LACRT: variants seen among roughly 807,000 people sequenced by gnomAD.
The protein encoded by LACRT is extracellular glycoprotein lacritin.
LACRT carries 14 observed loss-of-function variants against 14.5 expected under a neutral mutation model. The observed-to-expected ratio is 0.96, with a 90% CI of 0.64 to 1.51. LACRT has a LOEUF of 1.51. LACRT is among the 40% of genes most tolerant of loss of function. The probability of loss-of-function intolerance (pLI) is 0.00; values close to 1 mark genes in which losing one functional copy is unlikely to be tolerated. For synonymous variants in LACRT, 70 were observed against 63.5 expected, an observed-to-expected ratio of 1.10 and a Z score of -0.48; for missense variants, 156 against 161.8, an observed-to-expected ratio of 0.96 and a Z score of 0.19.
chr12:54,633,366 T>C (rs1284254672), intron 1 of LACRT, 133 bp from the exon 2 acceptor site: 6 of 769,194 alleles, frequency 7.8e-6, no homozygotes, highest in African/African-American at 1.7e-5. Context: ...TCCCTTTGGG[T>C]TGGACATGCC....
intron 2 of LACRT, 74 bp from the exon 3 acceptor site, chr12:54,632,455 C>G: frequency 6.4e-7 from 1 of 1,562,334 alleles, no homozygotes; most frequent in South Asian, 1.2e-5. Context: ...TGCAGGGCCC[C>G]AGGATACCTA....
chr12:54,634,104 A>G (rs962891864), intron 1 of LACRT, among the ~76,000 whole-genome samples: 76 of 152,030 alleles, frequency 5.0e-4, no homozygotes, highest in Non-Finnish European at 2.1e-4. Flanking sequence ...TGTAATTCCA[A>G]CACTTTGGGA....
At chr12:54,634,709 G>A (rs996134240) in intron 1 of LACRT, 75 bp downstream of exon 1, 11 of 1,305,842 alleles carry the variant, frequency 8.4e-6, no homozygotes, top group Non-Finnish European at 1.2e-5. Flanking sequence ...GAGGAGGAGA[G>A]GGGTGAAGGC....
At chr12:54,631,872 A>G (rs1376356668) in intron 3 of LACRT, 33 bp from the exon 4 acceptor site, 1 of 1,487,460 alleles carries the variant, frequency 6.7e-7, no homozygotes, top group South Asian at 1.1e-5. Context: ...ACATCAGCAG[A>G]AAAATCACCT....
At chr12:54,631,141 G>T (rs1242812406) in intron 4 of LACRT, among the ~76,000 whole-genome samples, 188 bp from the exon 5 acceptor site, 1 of 152,194 alleles carries the variant, frequency 6.6e-6, no homozygotes, top group Non-Finnish European at 1.5e-5. Flanking sequence ...CCCCACCTTG[G>T]CAGGGGCAGG....
chr12:54,632,502 C>T, intron 2 of LACRT, 121 bp from the exon 3 acceptor site: 4 of 1,137,658 alleles, frequency 3.5e-6, no homozygotes, highest in Non-Finnish European at 5.1e-6. Context: ...AGTGATATGG[C>T]TTAAACGCTG....
Position 54,632,314 on chromosome 12 carries a change from G to A in LACRT, c.180C>T (p.Ala60=), listed in dbSNP as rs768113969. Residue 60 remains alanine, a synonymous_variant, in exon 3 of 5, where the codon GCC becomes GCT. Transcript: ENST00000257867. ...PASPPETTTT[A]QETSAAAVQG... ...GAACTGCTGCCGCCGAAGTCTCCTG[G>A]GCTGTTGTGGTTGTCTCTGGGGGTG... The A allele has an allele frequency of 8.7e-6, 14 of 1,614,002 alleles. No homozygotes were observed. The African/African-American group carries it at 1.9e-4, about 22-fold the overall frequency.
At chr12:54,633,333 T>G in intron 1 of LACRT, 100 bp from the exon 2 acceptor site, 1 of 1,051,444 alleles carries the variant, frequency 9.5e-7, no homozygotes, top group Non-Finnish European at 1.4e-6. Flanking sequence ...CTGGGAATGC[T>G]CATGGATAGA....
Position 54,634,335 on chromosome 12 carries a change from G to A in LACRT, c.58+449C>T, listed in dbSNP as rs1958173689. 2.9e-5 allele frequency among the ~76,000 whole-genome samples: 4 copies of A among 138,048 alleles called. No homozygotes were observed. In the South Asian group the frequency reaches 9.3e-4, roughly 32 times the overall value. The allele number at this position is 138,048 out of a possible 152,430, so 90.6% of individuals were successfully genotyped here. On this transcript the variant is annotated intron_variant, in intron 1 of 4. Transcript: ENST00000257867. Reference sequence around the variant, plus strand: ...CCACTGCACTCCAGCCTGGGCAACAGAGGGAGACTCGGTCTCAAAAAAAAA... The same window carrying A: ...CCACTGCACTCCAGCCTGGGCAACAAAGGGAGACTCGGTCTCAAAAAAAAA...
chr12:54,632,467 T>A (rs1175427443), intron 2 of LACRT, 86 bp from the exon 3 acceptor site: 1 of 1,489,610 alleles, frequency 6.7e-7, no homozygotes, highest in Non-Finnish European at 9.2e-7. Context: ...GGATACCTAA[T>A]GTGTGCTGGG....
At chr12:54,634,478 G>A (rs1472051068) in intron 1 of LACRT, among the ~76,000 whole-genome samples, 1 of 152,150 alleles carries the variant, frequency 6.6e-6, no homozygotes, top group Non-Finnish European at 1.5e-5. Context: ...GGGCACCCTC[G>A]TGTAGGGGAC....
chr12:54,633,595 G>A (rs1360568881), intron 1 of LACRT, among the ~76,000 whole-genome samples: 2 of 152,088 alleles, frequency 1.3e-5, no homozygotes, highest in Non-Finnish European at 2.9e-5. Flanking sequence ...CAGTATGTGG[G>A]GGTTATGGGG....
At chr12:54,631,935 T>A in intron 3 of LACRT, 96 bp from the exon 4 acceptor site, 1 of 477,332 alleles carries the variant, frequency 2.1e-6, no homozygotes, top group Non-Finnish European at 3.6e-6. Context: ...CCACCCCCAC[T>A]CCACCCAGGA....
Position 54,630,833 on chromosome 12 carries a change from C to G in LACRT, c.*59G>C. On this transcript the variant is annotated 3_prime_UTR_variant, in exon 5 of 5. Coordinates refer to ENST00000257867, the MANE Select transcript of LACRT (RefSeq NM_033277.2). ...AAGTTGGATGCTTTCGTTTTAATAG[C>G]TCTGGGCTACAAGGGTATTTAAGGC... 3 of 1,303,480 alleles carry G rather than the reference C, an allele frequency of 2.3e-6. No individual in the cohort carries two copies. Among genetic ancestry groups the G allele is most frequent in the Non-Finnish European group, 3.3e-6 (3 of 898,762 alleles). The allele number at this position is 1,303,480 out of a possible 1,614,324, so 80.7% of individuals were successfully genotyped here.
At chr12:54,633,155 G>C in intron 2 of LACRT, 25 bp downstream of exon 2, 3 of 1,611,894 alleles carry the variant, frequency 1.9e-6, no homozygotes, top group Admixed American at 1.7e-5. Context: ...ACGAGGGCTA[G>C]GGCAGCAGGG....
chr12:54,633,168 AG>A lies in LACRT; in HGVS notation c.112+11del. Reference sequence around the variant, plus strand: ...CAACGAGGGCTAGGGCAGCAGGGAGAGGAGGACTCACAGGTCCCAGCTTCCT... The same window carrying A: ...CAACGAGGGCTAGGGCAGCAGGGAGAGAGGACTCACAGGTCCCAGCTTCCT... On this transcript the variant is annotated intron_variant, in intron 2 of 4. Transcript: ENST00000257867. 1.2e-6 allele frequency: 2 copies of A among 1,613,596 alleles called. No homozygotes were observed. Among genetic ancestry groups the A allele is most frequent in the Non-Finnish European group, 8.5e-7 (1 of 1,179,648 alleles).
Position 54,634,885 on chromosome 12 carries a change from G to A in LACRT, c.-44C>T, listed in dbSNP as rs778872187. The A allele has an allele frequency of 6.6e-7, 1 of 1,519,476 alleles. No individual in the cohort carries two copies. The highest frequency in any genetic ancestry group is 1.1e-5 in the South Asian group (1 of 89,186). 94.1% of individuals were successfully genotyped at this position (1,519,476 alleles called of 1,614,324 possible). ...AGTATAACCACAGAATCTGCAGAAG[G>A]TCTGGGGAATAAGGATGCTGAAATT... On this transcript the variant is annotated 5_prime_UTR_variant, in exon 1 of 5. Coordinates refer to ENST00000257867, the MANE Select transcript of LACRT (RefSeq NM_033277.2).
intron 1 of LACRT, 50 bp downstream of exon 1, chr12:54,634,734 C>T (rs746552504): frequency 5.8e-6 from 9 of 1,541,990 alleles, no homozygotes; most frequent in African/African-American, 1.4e-5. Flanking sequence ...GTGAGGGGCT[C>T]CTTGGACTGG....
At chr12:54,633,338 G>T in intron 1 of LACRT, 105 bp from the exon 2 acceptor site, 1 of 960,180 alleles carries the variant, frequency 1.0e-6, no homozygotes, top group Non-Finnish European at 1.6e-6. Flanking sequence ...AATGCTCATG[G>T]ATAGAAGGGG....
Sources: gnomAD v4.1 joint callset for allele counts (sites outside exome capture counted in the v4.1 genomes callset) on GRCh38, gnomAD v4.1.1 for gene constraint, MANE v1.5 for transcripts, NCBI Gene and HGNC (gene_info 2026-07-23, HGNC 2026-07-21) for gene names.